Variants in COL23A1 observed in about 807,000 individuals in gnomAD.
COL23A1 encodes collagen type XXIII alpha 1 chain.
Under a neutral mutation model 99.3 loss-of-function variants are expected in COL23A1, and 97 were observed. The ratio of observed to expected loss-of-function variants is 0.98; its 90% CI spans 0.83 to 1.16. The LOEUF is 1.16. Ranked by LOEUF, COL23A1 falls within the 50% of genes most tolerant of loss-of-function variation. The probability of loss-of-function intolerance (pLI) is 0.00; values close to 1 mark genes in which losing one functional copy is unlikely to be tolerated. For missense variants in COL23A1, 762 were observed against 757.4 expected, an observed-to-expected ratio of 1.01 and a Z score of -0.07; for synonymous variants, 320 against 308.2, an observed-to-expected ratio of 1.04 and a Z score of -0.40.
chr5:178,471,640 C>T lies in COL23A1; in HGVS notation c.361+89042G>A, dbSNP rs76720601. Among the ~76,000 whole-genome samples, 618 of 152,218 alleles carry T rather than the reference C, an allele frequency of 4.1e-3. 7 individuals carry two copies. Among genetic ancestry groups the T allele is most frequent in the African/African-American group, 0.014 (576 of 41,518 alleles). ...AGCTAACTCCTAGAGATAGCAAGCACCTTGCCTTTGGACCTGCCTCTCCCT... is the reference window on the plus strand; with the variant it reads ...AGCTAACTCCTAGAGATAGCAAGCATCTTGCCTTTGGACCTGCCTCTCCCT... On this transcript the variant is annotated intron_variant, in intron 2 of 28. Transcript: ENST00000390654.
At chr5:178,410,688 A>G (rs989821533) in intron 2 of COL23A1, among the ~76,000 whole-genome samples, 2 of 152,256 alleles carry the variant, frequency 1.3e-5, no homozygotes, top group Non-Finnish European at 2.9e-5. Context: ...ACACAGATAA[A>G]TCTTCATGAC....
At chr5:178,356,134 C>T (rs1185276471) in intron 2 of COL23A1, among the ~76,000 whole-genome samples, 2 of 152,124 alleles carry the variant, frequency 1.3e-5, no homozygotes, top group African/African-American at 2.4e-5. Flanking sequence ...GCTTAGGGCC[C>T]CACTCTAAGA....
At position 178,358,065 on chromosome 5, in the gene COL23A1, A is replaced by T. The variant is rs1361026852; in HGVS notation, c.362-51146T>A. Among the ~76,000 whole-genome samples the T allele has an allele frequency of 1.1e-4, 13 of 121,280 alleles. 1 individual carries two copies. The South Asian group carries it at 3.4e-3, about 32-fold the overall frequency. 79.6% of individuals were successfully genotyped at this position (121,280 alleles called of 152,430 possible). ...GTGTATGTATGTCTAATGTATGTGT[A>T]TTGTGTGTATGTGTATGTACGTGTG... On this transcript the variant is annotated intron_variant, in intron 2 of 28. Coordinates refer to ENST00000390654, the MANE Select transcript of COL23A1 (RefSeq NM_173465.4).
intron 1 of COL23A1, among the ~76,000 whole-genome samples, chr5:178,582,077 T>C (rs1352769078): frequency 6.6e-6 from 1 of 151,510 alleles, no homozygotes; most frequent in Non-Finnish European, 1.5e-5. Context: ...TGCAGTAGCT[T>C]AGATCTGTAA....
intron 12 of COL23A1, 143 bp from the exon 13 acceptor site, chr5:178,257,710 T>G (rs1048987274): frequency 1.2e-6 from 1 of 829,220 alleles, no homozygotes; most frequent in Non-Finnish European, 2.0e-6. Flanking sequence ...CCCACCCTCC[T>G]TGCCCCTCCA....
intron 13 of COL23A1, 139 bp from the exon 14 acceptor site, chr5:178,257,067 T>C (rs1561796186): frequency 2.7e-6 from 2 of 730,314 alleles, no homozygotes; most frequent in Non-Finnish European, 4.5e-6. Flanking sequence ...ATGGGGGGTG[T>C]GGGCGGATGG....
chr5:178,238,741 A>C (rs750350339), intron 28 of COL23A1, 41 bp from the exon 29 acceptor site: 1 of 1,612,078 alleles, frequency 6.2e-7, no homozygotes. Flanking sequence ...GAGGAGCCCG[A>C]GAAGCTCCGC....
intron 12 of COL23A1, 134 bp from the exon 13 acceptor site, chr5:178,257,701 C>T: frequency 1.1e-6 from 1 of 893,100 alleles, no homozygotes; most frequent in South Asian, 1.5e-5. Flanking sequence ...CAGCTCCTCC[C>T]CACCCTCCTT....
intron 2 of COL23A1, among the ~76,000 whole-genome samples, chr5:178,321,895 G>A (rs1759340349): frequency 6.6e-6 from 1 of 151,680 alleles, no homozygotes; most frequent in Non-Finnish European, 1.5e-5. Context: ...GCTCACTGCA[G>A]CCTCTACCTC....
At chr5:178,400,650 C>CG (rs1764396499) in intron 2 of COL23A1, among the ~76,000 whole-genome samples, 1 of 147,870 alleles carries the variant, frequency 6.8e-6, no homozygotes, top group South Asian at 2.1e-4. Context: ...ATCTCCAGAA[C>CG]TTTTTTTTTT....
intron 2 of COL23A1, among the ~76,000 whole-genome samples, chr5:178,319,436 T>G (rs1173489027): frequency 6.6e-6 from 1 of 152,156 alleles, no homozygotes; most frequent in African/African-American, 2.4e-5. Flanking sequence ...TCGTGTGAGC[T>G]TTGATTTTCA....
intron 2 of COL23A1, among the ~76,000 whole-genome samples, chr5:178,539,115 G>C (rs1182157428): frequency 2.0e-5 from 3 of 152,174 alleles, no homozygotes; most frequent in Non-Finnish European, 4.4e-5. Flanking sequence ...GGGTTTCTGT[G>C]TGGGGCAATG....
chr5:178,386,742 G>C (rs2127745073), intron 2 of COL23A1, among the ~76,000 whole-genome samples: 1 of 152,296 alleles, frequency 6.6e-6, no homozygotes, highest in South Asian at 2.1e-4. Context: ...AGTCTGAGCA[G>C]ACACCATGGG....
chr5:178,532,584 G>T lies in COL23A1; in HGVS notation c.361+28098C>A, dbSNP rs567282207. Among the ~76,000 whole-genome samples the T allele has an allele frequency of 1.8e-4, 27 of 152,320 alleles. No individual in the cohort carries two copies. The South Asian group carries it at 5.2e-3, about 29-fold the overall frequency. ...TTCCCATTTTACAGAAGGGGAAACT[G>T]AGTCTTGAGGCATTTAAGAGACTTT... On this transcript the variant is annotated intron_variant, in intron 2 of 28. Transcript: ENST00000390654.
At chr5:178,560,539 T>G in intron 2 of COL23A1, 143 bp downstream of exon 2, 1 of 640,052 alleles carries the variant, frequency 1.6e-6, no homozygotes, top group Non-Finnish European at 2.7e-6. Context: ...CCAGGGTCAA[T>G]GTGGGAAAGA....
chr5:178,490,421 T>C lies in COL23A1; in HGVS notation c.361+70261A>G, dbSNP rs145867117. On this transcript the variant is annotated intron_variant, in intron 2 of 28. Coordinates refer to ENST00000390654, the MANE Select transcript of COL23A1 (RefSeq NM_173465.4). ...CAGATTTACAGAGGCAGAAGTAGAA[T>C]AGAGGTTACCGGTGCTGAAGGGAGG... Among the ~76,000 whole-genome samples, 111 of 151,862 alleles carry C rather than the reference T, an allele frequency of 7.3e-4. 1 individual carries two copies. In the East Asian group the frequency reaches 0.019, roughly 26 times the overall value.
intron 5 of COL23A1, among the ~76,000 whole-genome samples, chr5:178,284,808 T>C (rs1757072710): frequency 6.6e-6 from 1 of 152,226 alleles, no homozygotes; most frequent in Non-Finnish European, 1.5e-5. Context: ...GTATTTTAGA[T>C]TATGAGACTG....
intron 2 of COL23A1, among the ~76,000 whole-genome samples, chr5:178,455,386 C>A (rs777861659): frequency 4.6e-5 from 7 of 152,144 alleles, no homozygotes; most frequent in Non-Finnish European, 1.0e-4. Context: ...ACCCTGGCAT[C>A]GGCTGACACA....
In COL23A1 at chr5:178,408,955, CAAA is replaced by C. The variant is rs761044673; in HGVS notation, c.362-102039_362-102037del. Among the ~76,000 whole-genome samples, 399 of 71,636 alleles carry C rather than the reference CAAA, an allele frequency of 5.6e-3. 6 individuals carry two copies. The highest frequency in any genetic ancestry group is 0.031 in the East Asian group (96 of 3,052). 47.0% of individuals were successfully genotyped at this position (71,636 alleles called of 152,430 possible). On this transcript the variant is annotated intron_variant, in intron 2 of 28. Transcript: ENST00000390654. ...GGGCGACAAGAGCGAAACTCTGTCT[CAAA>C]AAAAAAAAAAAAAAAATACACACAC...
Sources: allele counts gnomAD v4.1 joint callset (sites outside exome capture counted in the v4.1 genomes callset), GRCh38; gene constraint gnomAD v4.1.1; transcripts MANE v1.5; gene names NCBI Gene and HGNC (gene_info 2026-07-23, HGNC 2026-07-21).